The following SDK1 variants were observed in gnomAD, a reference collection of about 807,000 sequenced individuals.
The protein encoded by SDK1 is protein sidekick-1.
Under a neutral mutation model 245.5 loss-of-function variants are expected in SDK1, and 157 were observed. The ratio of observed to expected loss-of-function variants is 0.64; its 90% CI spans 0.56 to 0.73. The LOEUF is 0.73. SDK1 is among the 30% of genes least tolerant of loss of function. The pLI, the probability that SDK1 is intolerant of heterozygous loss-of-function variation, is 0.00. For synonymous variants in SDK1, 1,647 were observed against 1,278.5 expected, an observed-to-expected ratio of 1.29 and a Z score of -6.15; for missense variants, 3,583 against 3,002.3, an observed-to-expected ratio of 1.19 and a Z score of -4.52.
chr7:3,562,152 G>C (rs1057054327), intron 1 of SDK1, among the ~76,000 whole-genome samples: 5 of 152,172 alleles, frequency 3.3e-5, no homozygotes, highest in Non-Finnish European at 7.3e-5. Context: ...GGATGTTTCG[G>C]AAACTGCATA....
intron 1 of SDK1, among the ~76,000 whole-genome samples, chr7:3,364,874 T>G (rs1461922883): frequency 2.6e-5 from 4 of 152,222 alleles, no homozygotes; most frequent in Non-Finnish European, 5.9e-5. Context: ...ACATCTTTAC[T>G]GTGTTGAGTC....
At chr7:3,610,290 T>C (rs182404984) in intron 1 of SDK1, among the ~76,000 whole-genome samples, 48 of 152,338 alleles carry the variant, frequency 3.2e-4, no homozygotes, top group African/African-American at 9.6e-4. Flanking sequence ...GAGATTCTTT[T>C]CTTGGACCTT....
chr7:3,831,089 G>T (rs969039273), intron 5 of SDK1, among the ~76,000 whole-genome samples: 2 of 152,168 alleles, frequency 1.3e-5, no homozygotes, highest in African/African-American at 4.8e-5. Context: ...AAACAAGGGG[G>T]ATGGAAAATT....
intron 7 of SDK1, among the ~76,000 whole-genome samples, chr7:3,958,452 C>G (rs1583636641): frequency 6.6e-6 from 1 of 152,040 alleles, no homozygotes; most frequent in East Asian, 1.9e-4. Flanking sequence ...ATTTGGTATT[C>G]CATTGAAGTA....
intron 1 of SDK1, among the ~76,000 whole-genome samples, chr7:3,551,187 T>C (rs1323659226): frequency 2.6e-5 from 4 of 152,132 alleles, no homozygotes; most frequent in South Asian, 2.1e-4. Flanking sequence ...ACACCGGGGG[T>C]GGGGGGCCCA....
intron 13 of SDK1, among the ~76,000 whole-genome samples, chr7:3,975,200 TTTTATTTTTCTGACATGTA>T (rs758041100): frequency 6.6e-6 from 1 of 152,206 alleles, no homozygotes; most frequent in Non-Finnish European, 1.5e-5. Flanking sequence ...TGCTGACACA[TTTTATTTTTCTGACATGTA>T]TTTATTTGCT....
chr7:3,537,002 A>G (rs993701969), intron 1 of SDK1, among the ~76,000 whole-genome samples: 9 of 152,192 alleles, frequency 5.9e-5, no homozygotes, highest in Non-Finnish European at 1.0e-4. Context: ...ATTGAAGTAT[A>G]ATTTACACAT....
chr7:3,406,167 G>A (rs374891930), intron 1 of SDK1, among the ~76,000 whole-genome samples: 3 of 152,148 alleles, frequency 2.0e-5, no homozygotes, highest in African/African-American at 4.8e-5. Context: ...GTTAATCCAC[G>A]TGATTTTTGT....
intron 5 of SDK1, among the ~76,000 whole-genome samples, chr7:3,915,519 G>C (rs4723268): frequency 0.28 from 42,604 of 152,042 alleles, 6,125 homozygotes; most frequent in Middle Eastern, 0.38. Flanking sequence ...CTCATTCTGT[G>C]TTTCCCACCT....
Position 4,174,367 on chromosome 7 carries a change from T to C in SDK1, c.4936+10T>C. Reference sequence around the variant, plus strand: ...CATGCTGAGCTCACAGGTGAGACTGTCCCCTCTGTCCTGGTACAGGGAGGG... The same window carrying C: ...CATGCTGAGCTCACAGGTGAGACTGCCCCCTCTGTCCTGGTACAGGGAGGG... On this transcript the variant is annotated intron_variant, in intron 33 of 44. Coordinates refer to ENST00000404826, the MANE Select transcript of SDK1 (RefSeq NM_152744.4). The C allele has an allele frequency of 6.2e-7, 1 of 1,613,388 alleles. No individual in the cohort carries two copies. The highest frequency in any genetic ancestry group is 8.5e-7 in the Non-Finnish European group (1 of 1,179,514).
intron 15 of SDK1, among the ~76,000 whole-genome samples, 173 bp downstream of exon 15, chr7:4,011,286 C>T (rs375427273): frequency 1.4e-4 from 21 of 152,364 alleles, no homozygotes; most frequent in African/African-American, 3.8e-4. Flanking sequence ...GACAGGCCCA[C>T]GCAGACTTAG....
chr7:4,081,708 G>A (rs745597380), intron 22 of SDK1, among the ~76,000 whole-genome samples: 7 of 152,052 alleles, frequency 4.6e-5, no homozygotes, highest in East Asian at 3.9e-4. Context: ...ATGAGCCACC[G>A]CACCTGACCT....
intron 32 of SDK1, among the ~76,000 whole-genome samples, chr7:4,169,946 A>G (rs2128215887): frequency 6.6e-6 from 1 of 152,246 alleles, no homozygotes. Flanking sequence ...GGCCATGGAG[A>G]ACACTTCCTT....
At chr7:4,121,755 G>A (rs1476601448) in intron 25 of SDK1, among the ~76,000 whole-genome samples, 3 of 152,198 alleles carry the variant, frequency 2.0e-5, no homozygotes, top group African/African-American at 7.2e-5. Context: ...TTGATCAAGA[G>A]TAGGAATTGT....
chr7:3,889,704 T>G (rs1781413057), intron 5 of SDK1, among the ~76,000 whole-genome samples: 1 of 152,146 alleles, frequency 6.6e-6, no homozygotes, highest in Non-Finnish European at 1.5e-5. Context: ...GAGACAGGGT[T>G]TCATCGTGTT....
chr7:3,707,139 A>T (rs181059294), intron 4 of SDK1, among the ~76,000 whole-genome samples: 7 of 152,270 alleles, frequency 4.6e-5, no homozygotes, highest in Non-Finnish European at 1.0e-4. Context: ...TTGAGATATG[A>T]CATTAGATTG....
intron 14 of SDK1, among the ~76,000 whole-genome samples, chr7:3,989,697 C>A (rs1038131061): frequency 3.9e-5 from 6 of 152,176 alleles, no homozygotes; most frequent in Non-Finnish European, 5.9e-5. Flanking sequence ...CAGATTCAGC[C>A]TGAGTTCTGC....
chr7:4,174,788 G>A (rs1782085387), intron 33 of SDK1, among the ~76,000 whole-genome samples: 1 of 152,110 alleles, frequency 6.6e-6, no homozygotes, highest in African/African-American at 2.4e-5. Context: ...GGCTGATTTT[G>A]GCTCTGCCTG....
rs993424907 is a variant in SDK1, at chr7:4,065,779, T to A, written c.2912-2059T>A. 3.4e-5 allele frequency among the ~76,000 whole-genome samples: 5 copies of A among 145,426 alleles called. No homozygotes were observed. The South Asian group carries it at 1.2e-3, about 34-fold the overall frequency. On this transcript the variant is annotated intron_variant, in intron 19 of 44. Coordinates refer to ENST00000404826, the MANE Select transcript of SDK1 (RefSeq NM_152744.4). ...TTACGACTTGTGTTAGAAGGCTTTG[T>A]CCAAGTACCAACTCAGTGCTCGGTA...
Sources: gnomAD v4.1 joint callset for allele counts (sites outside exome capture counted in the v4.1 genomes callset) on GRCh38, gnomAD v4.1.1 for gene constraint, MANE v1.5 for transcripts, NCBI Gene and HGNC (gene_info 2026-07-23, HGNC 2026-07-21) for gene names.